The following NCAM2 variants were observed in gnomAD, a reference collection of about 807,000 sequenced individuals.
NCAM2 encodes the protein N-CAM-2.
In NCAM2, 30 loss-of-function variants were observed where a neutral mutation model predicts 98.1. The ratio of observed to expected loss-of-function variants is 0.31; its 90% CI spans 0.23 to 0.41. The LOEUF is 0.41. Ranked by LOEUF, NCAM2 falls within the 10% of genes least tolerant of loss-of-function variation. NCAM2 has a pLI of 1.00. For missense variants in NCAM2, 867 were observed against 1,005.8 expected, an observed-to-expected ratio of 0.86 and a Z score of 1.87; for synonymous variants, 368 against 342.4, an observed-to-expected ratio of 1.07 and a Z score of -0.83.
chr21:21,314,737 T>C (rs920104757), intron 5 of NCAM2, among the ~76,000 whole-genome samples: 5 of 151,122 alleles, frequency 3.3e-5, no homozygotes, highest in African/African-American at 1.2e-4. Flanking sequence ...TCTCTGTCAA[T>C]CAATTCAGCA....
intron 9 of NCAM2, among the ~76,000 whole-genome samples, chr21:21,381,199 T>C (rs1186235013): frequency 6.6e-6 from 1 of 151,460 alleles, no homozygotes; most frequent in African/African-American, 2.4e-5. Context: ...CTCTGCCATA[T>C]TTTTTTTTCT....
At chr21:21,044,348 T>A (rs1378964414) in intron 1 of NCAM2, among the ~76,000 whole-genome samples, 2 of 152,170 alleles carry the variant, frequency 1.3e-5, no homozygotes, top group African/African-American at 4.8e-5. Flanking sequence ...AGAGTTAATC[T>A]TCCTTTTCAA....
chr21:21,078,585 G>T (rs1461487067), intron 1 of NCAM2, among the ~76,000 whole-genome samples: 1 of 152,188 alleles, frequency 6.6e-6, no homozygotes, highest in Non-Finnish European at 1.5e-5. Context: ...TACACTGTTG[G>T]TGGGAATATA....
At chr21:21,026,848 T>C (rs2064557908) in intron 1 of NCAM2, among the ~76,000 whole-genome samples, 1 of 148,942 alleles carries the variant, frequency 6.7e-6, no homozygotes. Context: ...TTTCTTTTCT[T>C]CTTCTTCTTT....
chr21:21,100,386 C>A (rs866806087), intron 1 of NCAM2, among the ~76,000 whole-genome samples: 2 of 151,792 alleles, frequency 1.3e-5, no homozygotes, highest in Non-Finnish European at 2.9e-5. Flanking sequence ...AGTGACCCCC[C>A]AAAAGCCAAG....
At chr21:21,210,962 CCCCAAACACACACACA>C (rs1329043800) in intron 1 of NCAM2, among the ~76,000 whole-genome samples, 2 of 119,694 alleles carry the variant, frequency 1.7e-5, no homozygotes, top group African/African-American at 7.5e-5. Flanking sequence ...CTAATACTCT[CCCCAAACACACACACA>C]CACACACACA....
At chr21:21,264,961 G>GTATTATATATGTGTATGTGTA (rs1555846879) in intron 1 of NCAM2, among the ~76,000 whole-genome samples, 1 of 28,418 alleles carries the variant, frequency 3.5e-5, no homozygotes, top group African/African-American at 1.4e-4. Context: ...ATGTGTATGT[G>GTATTATATATGTGTATGTGTA]TATATATACA....
intron 16 of NCAM2, 130 bp from the exon 17 acceptor site, chr21:21,534,407 G>A (rs1315789386): frequency 1.4e-6 from 1 of 701,282 alleles, no homozygotes; most frequent in Admixed American, 3.8e-5. Flanking sequence ...TTTCTCAGTG[G>A]TTTTCTTAAA....
intron 1 of NCAM2, among the ~76,000 whole-genome samples, chr21:21,103,852 C>G (rs886872311): frequency 6.6e-6 from 1 of 151,918 alleles, no homozygotes; most frequent in South Asian, 2.1e-4. Context: ...TATTTATTAT[C>G]GATACATCTT....
At chr21:21,407,360 A>T (rs927698522) in intron 9 of NCAM2, among the ~76,000 whole-genome samples, 1 of 152,230 alleles carries the variant, frequency 6.6e-6, no homozygotes, top group African/African-American at 2.4e-5. Flanking sequence ...GGCTTTCAGT[A>T]TAGCATGTAT....
At chr21:21,154,143 G>C (rs530869226) in intron 1 of NCAM2, among the ~76,000 whole-genome samples, 185 of 151,864 alleles carry the variant, frequency 1.2e-3, no homozygotes, top group African/African-American at 4.2e-3. Flanking sequence ...TATGGGGATA[G>C]AATAACAAGT....
At chr21:21,364,570 A>G (rs1448273981) in intron 8 of NCAM2, among the ~76,000 whole-genome samples, 3 of 152,056 alleles carry the variant, frequency 2.0e-5, no homozygotes, top group Non-Finnish European at 4.4e-5. Context: ...GATTGTTTAA[A>G]AAGAAAATGT....
intron 1 of NCAM2, among the ~76,000 whole-genome samples, chr21:21,078,671 A>C (rs879163452): frequency 6.6e-6 from 1 of 152,196 alleles, no homozygotes; most frequent in Non-Finnish European, 1.5e-5. Context: ...TTGACCCAGC[A>C]ATCCCATCAC....
chr21:21,398,720 T>G (rs2076567261), intron 9 of NCAM2, among the ~76,000 whole-genome samples: 1 of 152,130 alleles, frequency 6.6e-6, no homozygotes, highest in Non-Finnish European at 1.5e-5. Flanking sequence ...ACTGACCAGG[T>G]AGTGACTATG....
chr21:21,512,746 T>A (rs1381580984), intron 16 of NCAM2, among the ~76,000 whole-genome samples: 1 of 152,052 alleles, frequency 6.6e-6, no homozygotes, highest in Non-Finnish European at 1.5e-5. Flanking sequence ...AATTTTTGTG[T>A]CATCTTGAAG....
At chr21:21,147,295 A>G in intron 1 of NCAM2, 1 of 967,112 alleles carries the variant, frequency 1.0e-6, no homozygotes, top group Non-Finnish European at 1.2e-6. Flanking sequence ...TTACTACAAC[A>G]TGCTAAAAAA....
chr21:21,331,147 G>T (rs1483699293), intron 6 of NCAM2, among the ~76,000 whole-genome samples: 1 of 151,648 alleles, frequency 6.6e-6, no homozygotes, highest in Non-Finnish European at 1.5e-5. Context: ...TCTCCCTCTT[G>T]TTTTATTTAT....
chr21:21,035,977 A>G (rs1466032317), intron 1 of NCAM2, among the ~76,000 whole-genome samples: 1 of 152,226 alleles, frequency 6.6e-6, no homozygotes, highest in Non-Finnish European at 1.5e-5. Context: ...ACTCAAAGAA[A>G]GTTAAACATT....
chr21:21,386,887 C>T lies in NCAM2; in HGVS notation c.1195+12874C>T, dbSNP rs573851661. Among the ~76,000 whole-genome samples, 20 of 152,170 alleles carry T rather than the reference C, an allele frequency of 1.3e-4. No homozygotes were observed. The South Asian group carries it at 2.9e-3, about 22-fold the overall frequency. ...AACTGGATTTATCACTGCCTGTTGG[C>T]GTCTGTTTAACAGTCAGAAATACTA... On this transcript the variant is annotated intron_variant, in intron 9 of 17. Coordinates refer to ENST00000400546, the MANE Select transcript of NCAM2 (RefSeq NM_004540.5).
Sources: gnomAD v4.1 joint callset for allele counts (sites outside exome capture counted in the v4.1 genomes callset) on GRCh38, gnomAD v4.1.1 for gene constraint, MANE v1.5 for transcripts, NCBI Gene and HGNC (gene_info 2026-07-23, HGNC 2026-07-21) for gene names.